PXK: variants seen among roughly 807,000 people sequenced by gnomAD.
The protein encoded by PXK is PX domain containing serine/threonine kinase like, also known as PX domain-containing protein kinase-like protein.
PXK carries 35 observed loss-of-function variants against 84.7 expected under a neutral mutation model. That is an observed-to-expected ratio of 0.41 (90% confidence interval 0.32 to 0.55). PXK has a LOEUF of 0.55. PXK is among the 20% of genes least tolerant of loss of function. PXK has a pLI of 0.21. For synonymous variants in PXK, 253 were observed against 260.8 expected (o/e 0.97, Z 0.29); for missense variants, 634 against 699.7 (o/e 0.91, Z 1.06).
chr3:58,344,036 A>G (rs2097777677), intron 1 of PXK, among the ~76,000 whole-genome samples: 1 of 152,156 alleles, frequency 6.6e-6, no homozygotes, highest in Non-Finnish European at 1.5e-5. Context: ...GTAAAACTGT[A>G]TATAATTGGG....
chr3:58,390,317 G>A lies in PXK; in HGVS notation c.389-265G>A, dbSNP rs941585696. Among the ~76,000 whole-genome samples the A allele has an allele frequency of 2.6e-5, 4 of 152,068 alleles. No individual in the cohort carries two copies. Among genetic ancestry groups the A allele is most frequent in the Non-Finnish European group, 5.9e-5 (4 of 68,022 alleles). On this transcript the variant is annotated intron_variant, in intron 4 of 17. Coordinates refer to ENST00000356151, the MANE Select transcript of PXK (RefSeq NM_017771.5). This position sits in a 1 kb window ranked among gnomAD's most constrained non-coding sequence, Gnocchi z 4.2. ...TTATCAAAACTAGAAGTGAATATTA[G>A]TAATGTTACTATTAACTATGGGCTT...
chr3:58,386,350 C>A lies in PXK; in HGVS notation c.388+3650C>A, dbSNP rs1017550096. On this transcript the variant is annotated intron_variant, in intron 4 of 17. Coordinates refer to ENST00000356151, the MANE Select transcript of PXK (RefSeq NM_017771.5). Reference sequence around the variant, plus strand: ...TCACTCTGTTGGCCAGGCTGGAGTGCTGTAGCGTGGTCTTGGCTCACTGCA... The same window carrying A: ...TCACTCTGTTGGCCAGGCTGGAGTGATGTAGCGTGGTCTTGGCTCACTGCA... 3.3e-4 allele frequency among the ~76,000 whole-genome samples: 40 copies of A among 122,196 alleles called. 1 individual carries two copies. In the Admixed American group the frequency reaches 3.8e-3, roughly 12 times the overall value. The allele number at this position is 122,196 out of a possible 152,430, so 80.2% of individuals were successfully genotyped here.
intron 17 of PXK, chr3:58,420,942 A>G (rs1462541976): frequency 9.2e-7 from 1 of 1,084,050 alleles, no homozygotes; most frequent in African/African-American, 1.7e-5. Context: ...TGAAGAGGAA[A>G]GAGTGTTAGG....
rs1167281357 is a variant in PXK at position 58,385,353 on chromosome 3, T to C, written c.388+2653T>C. 2.0e-5 allele frequency among the ~76,000 whole-genome samples: 3 copies of C among 152,226 alleles called. No homozygotes were observed. Among genetic ancestry groups the C allele is most frequent in the African/African-American group, 7.2e-5 (3 of 41,460 alleles). ...TTCGGAGTTTGTCTAGCCTCAAGGC[T>C]GACATACCAGCCACCTCAGGAAAAG... On this transcript the variant is annotated intron_variant, in intron 4 of 17. Transcript: ENST00000356151. The surrounding 1 kb of genome is among the most constrained non-coding windows in gnomAD (Gnocchi z 5.1).
chr3:58,339,091 T>C lies in PXK; in HGVS notation c.102+6001T>C, dbSNP rs1472531317. ...CCCCACTTGTCCTGGAAATCTGAGA[T>C]GGACGCAGTCGGAAAACCCTGAGTT... On this transcript the variant is annotated intron_variant, in intron 1 of 17. Transcript: ENST00000356151. Among the ~76,000 whole-genome samples, 7 of 152,342 alleles carry C rather than the reference T, an allele frequency of 4.6e-5. No individual in the cohort carries two copies. The East Asian group carries it at 1.2e-3, about 25-fold the overall frequency.
chr3:58,392,873 G>A (rs2098645276), intron 7 of PXK, among the ~76,000 whole-genome samples: 1 of 151,956 alleles, frequency 6.6e-6, no homozygotes, highest in South Asian at 2.1e-4. Flanking sequence ...TGTTGGCCGG[G>A]CAGATCTTGA....
intron 7 of PXK, among the ~76,000 whole-genome samples, 171 bp from the exon 8 acceptor site, chr3:58,394,827 A>G (rs1260806064): frequency 6.6e-6 from 1 of 152,168 alleles, no homozygotes; most frequent in Non-Finnish European, 1.5e-5. Context: ...AGAAGGAGGA[A>G]CTAGCTGGTA....
chr3:58,423,776 G>C lies in PXK; in HGVS notation c.1529-976G>C, dbSNP rs116503766. Among the ~76,000 whole-genome samples, 1,035 of 151,350 alleles carry C rather than the reference G, an allele frequency of 6.8e-3. 10 individuals carry two copies. The highest frequency in any genetic ancestry group is 0.024 in the African/African-American group (993 of 41,316). On this transcript the variant is annotated intron_variant, in intron 17 of 17. Transcript: ENST00000356151. ...GACGAGGCAACTAACTGTGGCACAG[G>C]AACATTCTTTAAGGCAAGGCTTTTT... is the stretch of plus-strand genomic sequence containing the variant.
At chr3:58,387,468 A>G (rs758279692) in intron 4 of PXK, among the ~76,000 whole-genome samples, 2 of 152,148 alleles carry the variant, frequency 1.3e-5, no homozygotes, top group Non-Finnish European at 2.9e-5. Flanking sequence ...TTACACAGGG[A>G]GATTGACAGG....
In PXK at chr3:58,414,915, A is replaced by T. The variant is rs1184412067; in HGVS notation, c.1528+1952A>T. On this transcript the variant is annotated intron_variant, in intron 17 of 17. Coordinates refer to ENST00000356151, the MANE Select transcript of PXK (RefSeq NM_017771.5). The surrounding 1 kb of genome is among the most constrained non-coding windows in gnomAD (Gnocchi z 4.5). ...GGAGTTTATTCATTTAAGAATAAACATTCAAGGTGCATTTACTGAGAACCT... is the reference window on the plus strand; with the variant it reads ...GGAGTTTATTCATTTAAGAATAAACTTTCAAGGTGCATTTACTGAGAACCT... Among the ~76,000 whole-genome samples the T allele has an allele frequency of 6.6e-6, 1 of 152,204 alleles. No individual in the cohort carries two copies. Among genetic ancestry groups the T allele is most frequent in the Non-Finnish European group, 1.5e-5 (1 of 68,040 alleles).
intron 2 of PXK, 33 bp downstream of exon 2, chr3:58,365,957 GA>G: frequency 6.8e-7 from 1 of 1,475,194 alleles, no homozygotes; most frequent in Non-Finnish European, 9.2e-7. Context: ...TTGTCAATTA[GA>G]AAAATATTTA....
chr3:58,403,069 A>G (rs143055765), intron 12 of PXK, among the ~76,000 whole-genome samples: 1 of 150,946 alleles, frequency 6.6e-6, no homozygotes, highest in African/African-American at 2.4e-5. Context: ...CAGTGGTGCA[A>G]TGTCGGTTCA....
Position 58,354,592 on chromosome 3 carries a change from G to A in PXK, c.103-11282G>A, listed in dbSNP as rs903096469. The stretch of plus-strand genomic sequence containing the variant: ...CTCCTGAGTAGCTGGGATTACAGGC[G>A]CCCACCATCGTGCCTGGCTAATTTT... On this transcript the variant is annotated intron_variant, in intron 1 of 17. Transcript: ENST00000356151. 4.0e-5 allele frequency among the ~76,000 whole-genome samples: 6 copies of A among 151,756 alleles called. No homozygotes were observed. In the East Asian group the frequency reaches 5.9e-4, roughly 15 times the overall value.
Position 58,421,159 on chromosome 3 carries a change from A to G in PXK, c.1529-3593A>G. The G allele has an allele frequency of 1.0e-6, 1 of 985,346 alleles. No individual in the cohort carries two copies. Among genetic ancestry groups the G allele is most frequent in the Non-Finnish European group, 1.2e-6 (1 of 829,918 alleles). The allele number at this position is 985,346 out of a possible 1,614,324, so 61.0% of individuals were successfully genotyped here. A position where few individuals can be genotyped will look rare whatever the true frequency, so the allele number is the denominator to read the frequency against. ...GGTTCTCTCCTGAGGGTGGCTGGTA[A>G]GTCTGGTGTTACCCTAGTGTGGTCT... On this transcript the variant is annotated intron_variant, in intron 17 of 17. Transcript: ENST00000356151. The surrounding 1 kb of genome is among the most constrained non-coding windows in gnomAD (Gnocchi z 5.5).
intron 1 of PXK, among the ~76,000 whole-genome samples, chr3:58,360,964 A>G (rs536620446): frequency 6.6e-6 from 1 of 151,926 alleles, no homozygotes; most frequent in Non-Finnish European, 1.5e-5. Flanking sequence ...TCTGTGTTTC[A>G]TGCTTGCTTA....
intron 1 of PXK, among the ~76,000 whole-genome samples, chr3:58,342,275 G>T (rs1286843780): frequency 6.6e-6 from 1 of 151,922 alleles, no homozygotes; most frequent in Admixed American, 6.6e-5. Context: ...ACATGTCTTT[G>T]TGAACTCTCA....
In PXK at chr3:58,385,935, C is replaced by T. The variant is rs1194869952; in HGVS notation, c.388+3235C>T. On this transcript the variant is annotated intron_variant, in intron 4 of 17. Coordinates refer to ENST00000356151, the MANE Select transcript of PXK (RefSeq NM_017771.5). The surrounding 1 kb of genome is among the most constrained non-coding windows in gnomAD (Gnocchi z 5.1). ...TGGCCAGAATCAGCAGAGCACTTTT[C>T]CTGGTCCTTGCTCTGATGGAGGGTG... Among the ~76,000 whole-genome samples the T allele has an allele frequency of 1.3e-5, 2 of 152,290 alleles. No individual in the cohort carries two copies. Among genetic ancestry groups the T allele is most frequent in the African/African-American group, 2.4e-5 (1 of 41,562 alleles).
intron 1 of PXK, among the ~76,000 whole-genome samples, chr3:58,341,785 C>T (rs2097736732): frequency 6.6e-6 from 1 of 151,554 alleles, no homozygotes; most frequent in Non-Finnish European, 1.5e-5. Context: ...CTCACTGCAA[C>T]CTCCGCCTCC....
intron 17 of PXK, chr3:58,423,094 G>C (rs1233663591): frequency 5.1e-6 from 5 of 985,268 alleles, no homozygotes; most frequent in Non-Finnish European, 6.0e-6. Context: ...GCAGTCAAGA[G>C]ACTCAGTTCC....
Sources: gnomAD v4.1 joint callset for allele counts (sites outside exome capture counted in the v4.1 genomes callset) on GRCh38, gnomAD v4.1.1 for gene constraint, Gnocchi (gnomAD v3.1) non-coding constraint, MANE v1.5 for transcripts, NCBI Gene and HGNC (gene_info 2026-07-23, HGNC 2026-07-21) for gene names.